The following KCNAB2 variants were observed in gnomAD, a reference collection of about 807,000 sequenced individuals.
KCNAB2 encodes the protein voltage-gated potassium channel subunit beta-2.
A neutral mutation model predicts 63.6 loss-of-function variants in KCNAB2; 29 were observed. The observed-to-expected ratio is 0.46, with a 90% CI of 0.34 to 0.62. KCNAB2 has a LOEUF of 0.62. KCNAB2 is among the 20% of genes least tolerant of loss of function. The pLI, the probability that KCNAB2 is intolerant of heterozygous loss-of-function variation, is 0.01. For missense variants in KCNAB2, 359 were observed against 563.9 expected, an observed-to-expected ratio of 0.64 and a Z score of 3.68; for synonymous variants, 222 against 224.2, an observed-to-expected ratio of 0.99 and a Z score of 0.09.
At chr1:6,009,477 C>T (rs1427839516) in intron 1 of KCNAB2, among the ~76,000 whole-genome samples, 2 of 152,262 alleles carry the variant, frequency 1.3e-5, no homozygotes, top group Non-Finnish European at 2.9e-5. Flanking sequence ...TGTCTAGACC[C>T]CATCAAAGCC....
chr1:6,086,487 G>A lies in KCNAB2; in HGVS notation c.426-980G>A. ...TGGCCGATGCTTCGGGGCAGAGGAGGCCTCCTACTCCAGCCTCGTGAGCTG... is the reference window on the plus strand; with the variant it reads ...TGGCCGATGCTTCGGGGCAGAGGAGACCTCCTACTCCAGCCTCGTGAGCTG... On this transcript the variant is annotated intron_variant, in intron 6 of 15. Transcript: ENST00000378083. This position sits in a 1 kb window ranked among gnomAD's most constrained non-coding sequence, Gnocchi z 4.2. The A allele has an allele frequency of 1.5e-6, 1 of 669,292 alleles. No individual in the cohort carries two copies. Among genetic ancestry groups the A allele is most frequent in the Non-Finnish European group, 1.8e-6 (1 of 541,196 alleles). 41.5% of individuals were successfully genotyped at this position (669,292 alleles called of 1,614,324 possible). A position where few individuals can be genotyped will look rare whatever the true frequency, so the allele number is the denominator to read the frequency against.
Position 6,099,976 on chromosome 1 carries a change from G to C in KCNAB2, c.*1402G>C. 2 of 1,548,900 alleles carry C rather than the reference G, an allele frequency of 1.3e-6. No homozygotes were observed. The highest frequency in any genetic ancestry group is 3.4e-4 in the Middle Eastern group (2 of 5,968). On this transcript the variant is annotated 3_prime_UTR_variant, in exon 16 of 16. Transcript: ENST00000378083. ...GTACCCAGGCTTTGCAGACCACGCGGGGCAGGGCTCCACTGAAGCCACCCC... is the reference window on the plus strand; with the variant it reads ...GTACCCAGGCTTTGCAGACCACGCGCGGCAGGGCTCCACTGAAGCCACCCC...
chr1:6,100,176 G>A lies in KCNAB2; in HGVS notation c.*1602G>A. On this transcript the variant is annotated 3_prime_UTR_variant, in exon 16 of 16. Transcript: ENST00000378083. ...CAGTCCTGGCCGGGCCAAGGCCTGG[G>A]AAACTGTGAAAGTCAGAAAGGCCAG... is the stretch of plus-strand genomic sequence containing the variant. 3.2e-6 allele frequency: 4 copies of A among 1,256,794 alleles called. No homozygotes were observed. The highest frequency in any genetic ancestry group is 3.9e-5 in the South Asian group (2 of 51,886). The allele number at this position is 1,256,794 out of a possible 1,614,324, so 77.9% of individuals were successfully genotyped here. A position where few individuals can be genotyped will look rare whatever the true frequency, so the allele number is the denominator to read the frequency against.
intron 2 of KCNAB2, among the ~76,000 whole-genome samples, chr1:6,061,333 G>C (rs999568433): frequency 2.6e-5 from 4 of 151,898 alleles, no homozygotes; most frequent in African/African-American, 7.3e-5. Context: ...GGGCCGGGCG[G>C]TGGCTCACGC....
chr1:6,056,248 T>G (rs1321297156), intron 2 of KCNAB2, among the ~76,000 whole-genome samples: 2 of 152,162 alleles, frequency 1.3e-5, no homozygotes, highest in Non-Finnish European at 2.9e-5. Context: ...TTTCACCACG[T>G]TGGCCAGGCT....
At position 6,035,639 on chromosome 1, in the gene KCNAB2, T is replaced by TG. The variant is rs1189017582; in HGVS notation, c.-53+850dup. Reference sequence around the variant, plus strand: ...GGGGCCACCCTGGGAAGAACTGGGCTGGGGGTGAGGGCAGTCGGGAGCTCA... The same window carrying TG: ...GGGGCCACCCTGGGAAGAACTGGGCTGGGGGGTGAGGGCAGTCGGGAGCTCA... On this transcript the variant is annotated intron_variant, in intron 1 of 15. Coordinates refer to the KCNAB2 transcript ENST00000164247. This position sits in a 1 kb window ranked among gnomAD's most constrained non-coding sequence, Gnocchi z 5.0. Among the ~76,000 whole-genome samples the TG allele has an allele frequency of 6.6e-6, 1 of 151,666 alleles. No homozygotes were observed. The highest frequency in any genetic ancestry group is 1.5e-5 in the Non-Finnish European group (1 of 67,910).
In KCNAB2 at chr1:6,087,415, A is replaced by AC. The variant is rs534443099; in HGVS notation, c.426-46dup. The AC allele has an allele frequency of 5.2e-5, 82 of 1,591,936 alleles. No homozygotes were observed. The highest frequency in any genetic ancestry group is 1.7e-4 in the Middle Eastern group (1 of 5,998). On this transcript the variant is annotated intron_variant, in intron 6 of 15. Coordinates refer to ENST00000378083, the MANE Select transcript of KCNAB2 (RefSeq NM_001199862.2). This position sits in a 1 kb window ranked among gnomAD's most constrained non-coding sequence, Gnocchi z 6.4. ...ATGAGGACGTCGGGGATGAAGGAGGACCCCCCAGGGGCCGGGCTTATCACA... is the reference window on the plus strand; with the variant it reads ...ATGAGGACGTCGGGGATGAAGGAGGACCCCCCCAGGGGCCGGGCTTATCACA...
rs983540281 is a variant in KCNAB2 at position 6,003,001 on chromosome 1, G to A, written c.-53+10213G>A. On this transcript the variant is annotated intron_variant, in intron 1 of 16. Coordinates refer to the KCNAB2 transcript ENST00000341524. The surrounding 1 kb of genome is among the most constrained non-coding windows in gnomAD (Gnocchi z 4.1). ...GTCTCTGTGTCCCGGGTGAGAACAG[G>A]TCCTAGACCTTGTCTCAGGTCACAC... 6.6e-6 allele frequency among the ~76,000 whole-genome samples: 1 copy of A among 152,198 alleles called. No individual in the cohort carries two copies. Among genetic ancestry groups the A allele is most frequent in the South Asian group, 2.1e-4 (1 of 4,834 alleles).
chr1:6,089,121 C>A, intron 8 of KCNAB2, 70 bp downstream of exon 8: 1 of 1,456,198 alleles, frequency 6.9e-7, no homozygotes, highest in Non-Finnish European at 9.4e-7. Context: ...AAAGTGATGG[C>A]AGCACAGGGC....
At chr1:6,042,836 A>ACCCCCCCCCCCCCCCC (rs1557442488), upstream of KCNAB2, among the ~76,000 whole-genome samples, 1 of 11,832 alleles carries the variant, frequency 8.5e-5, no homozygotes, top group Non-Finnish European at 1.7e-4. Context: ...CCGCGCCCCC[A>ACCCCCCCCCCCCCCCC]CTCCCCACCC....
upstream of KCNAB2, among the ~76,000 whole-genome samples, chr1:6,044,261 C>T (rs531581763): frequency 6.6e-6 from 1 of 152,246 alleles, no homozygotes; most frequent in Non-Finnish European, 1.5e-5. Flanking sequence ...CTTCCATGTA[C>T]CCCAGGTCTC....
chr1:6,100,064 G>C lies in KCNAB2; in HGVS notation c.*1490G>C. 1.4e-6 allele frequency: 2 copies of C among 1,479,778 alleles called. No homozygotes were observed. Among genetic ancestry groups the C allele is most frequent in the Non-Finnish European group, 1.8e-6 (2 of 1,113,214 alleles). The allele number at this position is 1,479,778 out of a possible 1,614,324, so 91.7% of individuals were successfully genotyped here. On this transcript the variant is annotated 3_prime_UTR_variant, in exon 16 of 16. Coordinates refer to ENST00000378083, the MANE Select transcript of KCNAB2 (RefSeq NM_001199862.2). ...CTCCTGCCCCCAGGGCGCACCCTCA[G>C]TGCAGGCACCTCTGTTCCCGCTTTG...
At chr1:6,072,057 A>T (rs112883388) in intron 2 of KCNAB2, among the ~76,000 whole-genome samples, 1,624 of 152,272 alleles carry the variant, frequency 0.011, 28 homozygotes, top group African/African-American at 0.037. Flanking sequence ...AAGGACAGTC[A>T]TGATGGCCCA....
At position 6,074,336 on chromosome 1, in the gene KCNAB2, A is replaced by G. The variant is rs772964518; in HGVS notation, c.300+566A>G. 2.0e-5 allele frequency among the ~76,000 whole-genome samples: 3 copies of G among 152,210 alleles called. No homozygotes were observed. Among genetic ancestry groups the G allele is most frequent in the Non-Finnish European group, 4.4e-5 (3 of 68,032 alleles). On this transcript the variant is annotated intron_variant, in intron 4 of 15. Coordinates refer to ENST00000378083, the MANE Select transcript of KCNAB2 (RefSeq NM_001199862.2). This position sits in a 1 kb window ranked among gnomAD's most constrained non-coding sequence, Gnocchi z 4.9. ...CCACAATTGGAACAAGAAAGTGAAC[A>G]CTAACAAAAAGCCAGCTTGTATGCC... is the stretch of plus-strand genomic sequence containing the variant.
At chr1:6,077,623 C>T (rs948001567) in intron 4 of KCNAB2, among the ~76,000 whole-genome samples, 1 of 152,164 alleles carries the variant, frequency 6.6e-6, no homozygotes, top group Non-Finnish European at 1.5e-5. Flanking sequence ...AGGAGGGAGC[C>T]AGGTGTGTTC....
At chr1:6,097,802 G>A (rs1336504006) in intron 15 of KCNAB2, 1 of 352,280 alleles carries the variant, frequency 2.8e-6, no homozygotes, top group East Asian at 4.7e-5. Flanking sequence ...TGGAGCAGAG[G>A]GGCAGATCCT....
At position 6,096,556 on chromosome 1, in the gene KCNAB2, G is replaced by A; in HGVS notation, c.949-80G>A. The A allele has an allele frequency of 4.0e-6, 6 of 1,504,878 alleles. No individual in the cohort carries two copies. Among genetic ancestry groups the A allele is most frequent in the Non-Finnish European group, 3.6e-6 (4 of 1,117,932 alleles). The allele number at this position is 1,504,878 out of a possible 1,614,324, so 93.2% of individuals were successfully genotyped here. ...AGGGAGAAGGGTCCAGAAGGAATGA[G>A]CCCATCGGCCCCCTGCACGTGGGGG... is the stretch of plus-strand genomic sequence containing the variant. On this transcript the variant is annotated intron_variant, in intron 13 of 15. Transcript: ENST00000378083. This position sits in a 1 kb window ranked among gnomAD's most constrained non-coding sequence, Gnocchi z 5.9.
At chr1:6,057,372 C>T (rs181725535) in intron 2 of KCNAB2, among the ~76,000 whole-genome samples, 1 of 152,168 alleles carries the variant, frequency 6.6e-6, no homozygotes, top group Admixed American at 6.5e-5. Flanking sequence ...AACCATAGGC[C>T]ATCACTTCCA....
At chr1:6,049,945 G>A (rs1661248395) in intron 1 of KCNAB2, among the ~76,000 whole-genome samples, 3 of 152,194 alleles carry the variant, frequency 2.0e-5, no homozygotes, top group Admixed American at 2.0e-4. Context: ...AGCAGTGAAA[G>A]GTCAGCAGGC....
Sources: gnomAD v4.1 joint callset for allele counts (sites outside exome capture counted in the v4.1 genomes callset) on GRCh38, gnomAD v4.1.1 for gene constraint, Gnocchi (gnomAD v3.1) non-coding constraint, MANE v1.5 for transcripts, NCBI Gene and HGNC (gene_info 2026-07-23, HGNC 2026-07-21) for gene names.